AIG1: variants seen among roughly 807,000 people sequenced by gnomAD.
The protein encoded by AIG1 is androgen-induced gene 1 protein.
Under a neutral mutation model 31.4 loss-of-function variants are expected in AIG1, and 23 were observed. The observed-to-expected ratio is 0.73, with a 90% CI of 0.53 to 1.04. AIG1 has a LOEUF of 1.04. AIG1 is among the 50% of genes least tolerant of loss of function. AIG1 has a pLI of 0.00. For synonymous variants in AIG1, 100 were observed against 110.5 expected (o/e 0.90, Z 0.60); for missense variants, 274 against 295.0 (o/e 0.93, Z 0.52).
chr6:143,311,384 T>C (rs1478474884), intron 4 of AIG1, among the ~76,000 whole-genome samples: 1 of 151,836 alleles, frequency 6.6e-6, no homozygotes, highest in Non-Finnish European at 1.5e-5. Flanking sequence ...TAACAAAATA[T>C]TGCATGTACC....
At chr6:143,301,993 TTAA>T (rs71756855) in intron 4 of AIG1, among the ~76,000 whole-genome samples, 20,218 of 152,108 alleles carry the variant, frequency 0.13, 1,563 homozygotes, top group East Asian at 0.35. Flanking sequence ...TTATTCCAGG[TTAA>T]TAACCCTCCG....
At chr6:143,139,329 A>G (rs1784058122) in intron 2 of AIG1, among the ~76,000 whole-genome samples, 1 of 143,442 alleles carries the variant, frequency 7.0e-6, no homozygotes. Context: ...AAGTCCCAGC[A>G]TCACACTTTC....
At chr6:143,232,083 G>T (rs574118823) in intron 3 of AIG1, among the ~76,000 whole-genome samples, 57 of 152,176 alleles carry the variant, frequency 3.7e-4, no homozygotes, top group Non-Finnish European at 6.5e-4. Context: ...TCAGATTTGA[G>T]GTTTTGAAAG....
chr6:143,234,943 G>A (rs1191643526), intron 3 of AIG1, among the ~76,000 whole-genome samples: 1 of 152,076 alleles, frequency 6.6e-6, no homozygotes, highest in Non-Finnish European at 1.5e-5. Flanking sequence ...TGTGGCAAAG[G>A]GATTATTCCC....
At chr6:143,124,311 G>A (rs1463243188) in intron 1 of AIG1, among the ~76,000 whole-genome samples, 1 of 152,204 alleles carries the variant, frequency 6.6e-6, no homozygotes, top group African/African-American at 2.4e-5. Flanking sequence ...TGGTGTAGGT[G>A]TAAGGACATC....
chr6:143,097,123 A>C (rs1779867164), intron 1 of AIG1, among the ~76,000 whole-genome samples: 1 of 152,110 alleles, frequency 6.6e-6, no homozygotes, highest in Non-Finnish European at 1.5e-5. Flanking sequence ...GCCCTGTAAC[A>C]GCAGACTTAA....
At chr6:143,091,034 C>G (rs1304022359) in intron 1 of AIG1, among the ~76,000 whole-genome samples, 1 of 152,186 alleles carries the variant, frequency 6.6e-6, no homozygotes, top group African/African-American at 2.4e-5. Context: ...TTCACAGTAT[C>G]TTCAACAGGT....
At chr6:143,103,076 G>C (rs1780449779) in intron 1 of AIG1, among the ~76,000 whole-genome samples, 1 of 152,130 alleles carries the variant, frequency 6.6e-6, no homozygotes, top group Non-Finnish European at 1.5e-5. Flanking sequence ...GGCAATGAAG[G>C]AACAGTCATT....
intron 4 of AIG1, among the ~76,000 whole-genome samples, chr6:143,318,432 T>A (rs1322495029): frequency 6.6e-6 from 1 of 152,064 alleles, no homozygotes; most frequent in Non-Finnish European, 1.5e-5. Context: ...AAGCCACATG[T>A]AGAAGAATGA....
At chr6:143,188,030 A>C (rs893910912) in intron 3 of AIG1, 27 of 1,087,148 alleles carry the variant, frequency 2.5e-5, no homozygotes, top group Admixed American at 4.8e-5. Flanking sequence ...TGTTTCTTTT[A>C]GGTGATTTTT....
intron 1 of AIG1, among the ~76,000 whole-genome samples, chr6:143,096,968 T>C (rs1274575966): frequency 6.6e-6 from 1 of 152,168 alleles, no homozygotes; most frequent in Non-Finnish European, 1.5e-5. Context: ...TTTCTATATA[T>C]TAGCACAAAT....
At chr6:143,236,243 A>G (rs562060729) in intron 3 of AIG1, among the ~76,000 whole-genome samples, 2 of 152,342 alleles carry the variant, frequency 1.3e-5, no homozygotes, top group South Asian at 2.1e-4. Context: ...TGACCTTCGC[A>G]GCCATCTGGG....
intron 3 of AIG1, among the ~76,000 whole-genome samples, chr6:143,247,681 A>G (rs1039457292): frequency 1.4e-4 from 21 of 152,230 alleles, no homozygotes; most frequent in Admixed American, 6.5e-5. Flanking sequence ...TGATAGAGGA[A>G]GAAACTGAAG....
At chr6:143,316,401 A>G (rs1775741595) in intron 4 of AIG1, among the ~76,000 whole-genome samples, 1 of 152,124 alleles carries the variant, frequency 6.6e-6, no homozygotes, top group Admixed American at 6.6e-5. Flanking sequence ...TGTTTTGTTT[A>G]AGGAGGCCAA....
At chr6:143,308,088 G>A (rs535217125) in intron 4 of AIG1, among the ~76,000 whole-genome samples, 147 of 152,208 alleles carry the variant, frequency 9.7e-4, no homozygotes, top group Middle Eastern at 3.4e-3. Context: ...GGAGTGACCC[G>A]ATTTTCCAGG....
chr6:143,125,632 T>G (rs572602825), intron 1 of AIG1, among the ~76,000 whole-genome samples: 1 of 152,338 alleles, frequency 6.6e-6, no homozygotes, highest in East Asian at 1.9e-4. Context: ...ATGGAGTCTC[T>G]GGGGAGGTCC....
chr6:143,112,728 T>G (rs1169333274), intron 1 of AIG1, among the ~76,000 whole-genome samples: 1 of 152,024 alleles, frequency 6.6e-6, no homozygotes, highest in Non-Finnish European at 1.5e-5. Context: ...ATCCTCAGAG[T>G]AAATATCCTC....
At chr6:143,113,751 C>T (rs771551839) in intron 1 of AIG1, among the ~76,000 whole-genome samples, 1 of 151,996 alleles carries the variant, frequency 6.6e-6, no homozygotes, top group Non-Finnish European at 1.5e-5. Context: ...TTTTCTTAAC[C>T]TAGTCCATGT....
intron 2 of AIG1, among the ~76,000 whole-genome samples, chr6:143,144,954 A>G (rs1268548344): frequency 1.3e-5 from 2 of 152,220 alleles, no homozygotes; most frequent in Non-Finnish European, 2.9e-5. Flanking sequence ...AGTAATAAAG[A>G]TATTTAATAT....
Sources: allele counts gnomAD v4.1 joint callset (sites outside exome capture counted in the v4.1 genomes callset), GRCh38; gene constraint gnomAD v4.1.1; transcripts MANE v1.5; gene names NCBI Gene and HGNC (gene_info 2026-07-23, HGNC 2026-07-21).